KANK1: variants seen among roughly 807,000 people sequenced by gnomAD.
The protein encoded by KANK1 is KN motif and ankyrin repeat domain-containing protein 1.
A neutral mutation model predicts 106.2 loss-of-function variants in KANK1; 109 were observed. The observed-to-expected ratio is 1.03, with a 90% CI of 0.88 to 1.20. KANK1 has a LOEUF of 1.20. KANK1 is among the 50% of genes most tolerant of loss of function. The pLI, the probability that KANK1 is intolerant of heterozygous loss-of-function variation, is 0.00. For missense variants in KANK1, 2,399 were observed against 1,710.7 expected (o/e 1.40, Z -7.10); for synonymous variants, 873 against 652.2 (o/e 1.34, Z -5.16).
At chr9:621,824 G>A (rs1365888368) in intron 1 of KANK1, among the ~76,000 whole-genome samples, 1 of 152,046 alleles carries the variant, frequency 6.6e-6, no homozygotes, top group African/African-American at 2.4e-5. Flanking sequence ...ATCTTACTCT[G>A]TAGACTTCAC....
At chr9:606,473 T>G (rs1354256145) in intron 1 of KANK1, among the ~76,000 whole-genome samples, 1 of 147,768 alleles carries the variant, frequency 6.8e-6, no homozygotes, top group African/African-American at 2.7e-5. Flanking sequence ...GGAGAATCAC[T>G]TGAACCCAGG....
chr9:474,428 A>G (rs566229136), intron 3 of KANK1, among the ~76,000 whole-genome samples: 20 of 152,360 alleles, frequency 1.3e-4, no homozygotes, highest in Non-Finnish European at 2.6e-4. Flanking sequence ...ACTTATCTAT[A>G]AAATGAGATG....
intron 1 of KANK1, among the ~76,000 whole-genome samples, chr9:529,026 T>TG (rs937896417): frequency 1.4e-4 from 22 of 152,104 alleles, no homozygotes; most frequent in African/African-American, 5.3e-4. Context: ...CTTGAACTCC[T>TG]GGACTCAAGT....
intron 1 of KANK1, among the ~76,000 whole-genome samples, chr9:589,072 C>T (rs1171346338): frequency 6.6e-6 from 1 of 152,206 alleles, no homozygotes; most frequent in East Asian, 1.9e-4. Flanking sequence ...TTCCGTGACT[C>T]AGTTGATGCT....
Position 730,209 on chromosome 9 carries a change from G to A in KANK1, c.2857G>A (p.Val953Met), listed in dbSNP as rs916753364. 6.2e-7 allele frequency: 1 copy of A among 1,614,084 alleles called. No individual in the cohort carries two copies. Among genetic ancestry groups the A allele is most frequent in the Non-Finnish European group, 8.5e-7 (1 of 1,180,042 alleles). The change falls in exon 4 of 12, where the codon GTG (valine) becomes ATG (methionine). Residue 953 changes from valine to methionine, a missense_variant. Physicochemically the swap from Val to Met is conservative, Grantham distance 21. Coordinates refer to ENST00000382297, the MANE Select transcript of KANK1 (RefSeq NM_015158.5). Reference protein sequence around the residue: ...FPTQEGTLSPVNLTDDQIAAG... With the variant: ...FPTQEGTLSPMNLTDDQIAAG... ...CACTCAGGAAGGTACGCTGTCTCCA[G>A]TGAACCTGACAGACGACCAGATCGC...
intron 8 of KANK1, 23 bp from the exon 9 acceptor site, chr9:740,769 C>CT (rs58169581): frequency 0.021 from 30,961 of 1,493,966 alleles, 16 homozygotes; most frequent in East Asian, 0.049. Context: ...TCCTAAGAGA[C>CT]TTTTTTTTTT....
chr9:568,900 G>C (rs1329999060), intron 1 of KANK1, among the ~76,000 whole-genome samples: 1 of 152,130 alleles, frequency 6.6e-6, no homozygotes, highest in Non-Finnish European at 1.5e-5. Context: ...AATATGTTTT[G>C]CCAAATTTAT....
chr9:542,711 C>T (rs1294896588), intron 1 of KANK1, among the ~76,000 whole-genome samples: 1 of 152,172 alleles, frequency 6.6e-6, no homozygotes, highest in African/African-American at 2.4e-5. Context: ...CACTGGAATA[C>T]TCTTCACCCT....
intron 10 of KANK1, 30 bp downstream of exon 10, chr9:742,435 A>AGGGGTCTGGGGGACTCTGGACGG (rs1554723438): frequency 1.3e-6 from 2 of 1,580,362 alleles, no homozygotes; most frequent in Non-Finnish European, 1.7e-6. Context: ...CCTCCTGGCC[A>AGGGGTCTGGGGGACTCTGGACGG]GGGGTCTGGG....
At chr9:576,757 CTTG>C (rs1820665741) in intron 1 of KANK1, among the ~76,000 whole-genome samples, 1 of 149,896 alleles carries the variant, frequency 6.7e-6, no homozygotes, top group Non-Finnish European at 1.5e-5. Context: ...GAGGAGGGAC[CTTG>C]TTTTTTTTTT....
intron 1 of KANK1, among the ~76,000 whole-genome samples, chr9:606,669 A>G (rs1045447834): frequency 6.6e-6 from 1 of 150,744 alleles, no homozygotes; most frequent in Non-Finnish European, 1.5e-5. Flanking sequence ...AGAAAATAAA[A>G]GATGCAGTAT....
chr9:745,063 G>C, intron 11 of KANK1, 110 bp from the exon 12 acceptor site: 1 of 1,534,878 alleles, frequency 6.5e-7, no homozygotes, highest in Non-Finnish European at 8.8e-7. Flanking sequence ...TCCTGGCTCG[G>C]GCTCACAGCT....
chr9:712,889 G>T lies in KANK1; in HGVS notation c.2123G>T (p.Ser708Ile), dbSNP rs903789299. 1.2e-6 allele frequency: 2 copies of T among 1,613,996 alleles called. No homozygotes were observed. Among genetic ancestry groups the T allele is most frequent in the Non-Finnish European group, 1.7e-6 (2 of 1,180,016 alleles). ...CTAAGCACTTTGGACAAGCAGACCA[G>T]CACCCAGACTGTGGAGACGCGGACA... ...TCLSTLDKQT[S>I]TQTVETRTVA... Residue 708 changes from serine to isoleucine, a missense_variant, in exon 3 of 12, where the codon AGC becomes ATC. Ser to Ile is a moderately radical substitution (Grantham distance 142). Coordinates refer to ENST00000382297, the MANE Select transcript of KANK1 (RefSeq NM_015158.5).
rs181300864 is a variant in KANK1, at chr9:692,416, G to A, written c.37+15407G>A. On this transcript the variant is annotated intron_variant, in intron 2 of 11. Transcript: ENST00000382297. Reference sequence around the variant, plus strand: ...ACTAAAAACAAAGTTTCAAGTGCCAGGTATTTTGAAATAGCAGATCCAAAT... The same window carrying A: ...ACTAAAAACAAAGTTTCAAGTGCCAAGTATTTTGAAATAGCAGATCCAAAT... 6.6e-5 allele frequency among the ~76,000 whole-genome samples: 10 copies of A among 151,230 alleles called. No individual in the cohort carries two copies. In the East Asian group the frequency reaches 1.9e-3, roughly 29 times the overall value.
At chr9:730,583 C>T (rs958135391) in intron 4 of KANK1, 5 of 315,134 alleles carry the variant, frequency 1.6e-5, no homozygotes, top group Non-Finnish European at 3.0e-5. Flanking sequence ...GTCCCAGCTA[C>T]TCCGGCGGCT....
intron 2 of KANK1, among the ~76,000 whole-genome samples, chr9:697,121 C>A: frequency 6.6e-6 from 1 of 151,848 alleles, no homozygotes; most frequent in East Asian, 1.9e-4. Context: ...TGTAGAAATG[C>A]AGTTGTCATG....
intron 1 of KANK1, among the ~76,000 whole-genome samples, chr9:578,884 C>T (rs755186615): frequency 3.5e-4 from 54 of 152,132 alleles, no homozygotes; most frequent in Non-Finnish European, 2.8e-4. Flanking sequence ...AATCCCATCT[C>T]GAAGATGACG....
rs186024467 is a variant in KANK1 at position 614,063 on chromosome 9, C to T, written c.-83-62827C>T. 7.7e-3 allele frequency among the ~76,000 whole-genome samples: 1,176 copies of T among 152,300 alleles called. 21 individuals are homozygous for T. The highest frequency in any genetic ancestry group is 0.027 in the African/African-American group (1,110 of 41,540). ...GGGCCATTTTTCACAAGGAGCAAGT[C>T]GGCCAGCAGAGTGCTCAGTTCTTGG... On this transcript the variant is annotated intron_variant, in intron 1 of 11. Coordinates refer to ENST00000382297, the MANE Select transcript of KANK1 (RefSeq NM_015158.5).
intron 3 of KANK1, among the ~76,000 whole-genome samples, chr9:473,626 C>G (rs1336927661): frequency 6.6e-6 from 1 of 152,170 alleles, no homozygotes; most frequent in Non-Finnish European, 1.5e-5. Context: ...TGTATATCAT[C>G]CCCCAACAAA....
Sources: gnomAD v4.1 joint callset for allele counts (sites outside exome capture counted in the v4.1 genomes callset) on GRCh38, gnomAD v4.1.1 for gene constraint, MANE v1.5 for transcripts, NCBI Gene and HGNC (gene_info 2026-07-23, HGNC 2026-07-21) for gene names.